The following GIGYF2 variants were observed in gnomAD, a reference collection of about 807,000 sequenced individuals.
GIGYF2 encodes the protein GRB10 interacting GYF protein 2.
Under a neutral mutation model 208.1 loss-of-function variants are expected in GIGYF2, and 25 were observed. The observed-to-expected ratio is 0.12, with a 90% CI of 0.09 to 0.17. GIGYF2 has a LOEUF of 0.17. GIGYF2 is among the 10% of genes least tolerant of loss of function. The pLI, the probability that GIGYF2 is intolerant of heterozygous loss-of-function variation, is 1.00. For missense variants in GIGYF2, 1,302 were observed against 1,579.4 expected (o/e 0.82, Z 2.98); for synonymous variants, 534 against 543.8 (o/e 0.98, Z 0.25).
intron 12 of GIGYF2, among the ~76,000 whole-genome samples, chr2:232,794,233 C>T (rs371414454): frequency 6.6e-6 from 1 of 152,166 alleles, no homozygotes; most frequent in Non-Finnish European, 1.5e-5. Flanking sequence ...TTGAGAAGAA[C>T]ATCCTGCACT....
intron 2 of GIGYF2, among the ~76,000 whole-genome samples, chr2:232,717,639 G>A (rs1696749388): frequency 6.6e-6 from 1 of 152,172 alleles, no homozygotes; most frequent in Non-Finnish European, 1.5e-5. Flanking sequence ...TGGTTCTGTA[G>A]GCGGTACAAG....
chr2:232,733,353 A>AC (rs1697590028), intron 2 of GIGYF2, among the ~76,000 whole-genome samples: 1 of 151,914 alleles, frequency 6.6e-6, no homozygotes, highest in African/African-American at 2.4e-5. Flanking sequence ...GCAGGGAGTC[A>AC]GGGTCAAGTA....
rs143726189 is a variant in GIGYF2 at position 232,771,336 on chromosome 2, A to C, written c.532+9900A>C. The stretch of plus-strand genomic sequence containing the variant: ...GGTATCTTTGACTTAGGAGAGGAGC[A>C]ATAACTTTGCAATTACTGCTGTCCA... On this transcript the variant is annotated intron_variant, in intron 8 of 28. Coordinates refer to ENST00000373563, the MANE Select transcript of GIGYF2 (RefSeq NM_001103146.3). 7.4e-6 allele frequency: 12 copies of C among 1,612,844 alleles called. No individual in the cohort carries two copies. In the African/African-American group the frequency reaches 9.3e-5, roughly 13 times the overall value.
chr2:232,712,794 A>G (rs1364532472), intron 2 of GIGYF2, among the ~76,000 whole-genome samples: 1 of 152,198 alleles, frequency 6.6e-6, no homozygotes, highest in Non-Finnish European at 1.5e-5. Context: ...ACATTTATGT[A>G]TGTTACATTG....
intron 3 of GIGYF2, among the ~76,000 whole-genome samples, chr2:232,741,565 C>T (rs1697969824): frequency 6.6e-6 from 1 of 152,022 alleles, no homozygotes; most frequent in Admixed American, 6.6e-5. Flanking sequence ...GCTTCAGGCT[C>T]CCAAGTAGCT....
chr2:232,769,472 C>T (rs1357650162), intron 8 of GIGYF2, among the ~76,000 whole-genome samples: 2 of 144,342 alleles, frequency 1.4e-5, no homozygotes, highest in African/African-American at 5.2e-5. Flanking sequence ...TAGCACTGCA[C>T]TCCAGCCTGG....
chr2:232,761,978 A>C (rs1447793374), intron 8 of GIGYF2, among the ~76,000 whole-genome samples: 2 of 151,684 alleles, frequency 1.3e-5, no homozygotes, highest in African/African-American at 4.8e-5. Flanking sequence ...ATTAATCATA[A>C]TTTGTATTTA....
intron 7 of GIGYF2, 172 bp downstream of exon 7, chr2:232,760,763 A>C: frequency 1.7e-6 from 1 of 580,228 alleles, no homozygotes; most frequent in African/African-American, 1.9e-5. Flanking sequence ...TTCTTATTTA[A>C]AGGAAGACGG....
intron 20 of GIGYF2, among the ~76,000 whole-genome samples, chr2:232,818,372 C>G (rs1700976839): frequency 6.6e-6 from 1 of 152,188 alleles, no homozygotes; most frequent in South Asian, 2.1e-4. Flanking sequence ...TTTTATTTTT[C>G]CCCTAGAAAG....
intron 12 of GIGYF2, among the ~76,000 whole-genome samples, chr2:232,792,864 C>T (rs1700111966): frequency 6.6e-6 from 1 of 152,100 alleles, no homozygotes; most frequent in Non-Finnish European, 1.5e-5. Flanking sequence ...TATATATATT[C>T]TGAGAAGGCT....
At chr2:232,824,644 T>C (rs1701194627) in intron 21 of GIGYF2, among the ~76,000 whole-genome samples, 1 of 152,196 alleles carries the variant, frequency 6.6e-6, no homozygotes, top group Admixed American at 6.5e-5. Flanking sequence ...AAGCACAAGG[T>C]GAAGCAGCTA....
intron 2 of GIGYF2, among the ~76,000 whole-genome samples, chr2:232,723,274 C>CA (rs1394753213): frequency 1.3e-5 from 2 of 152,178 alleles, no homozygotes; most frequent in Admixed American, 1.3e-4. Flanking sequence ...CCTGCCTTCT[C>CA]AGAGATTTCA....
At chr2:232,836,279 TA>T (rs1701595393) in intron 22 of GIGYF2, among the ~76,000 whole-genome samples, 3 of 6,250 alleles carry the variant, frequency 4.8e-4, no homozygotes, top group African/African-American at 1.6e-3. Flanking sequence ...TATATATATA[TA>T]TATATATATA....
At chr2:232,820,770 C>T (rs1363612213) in intron 21 of GIGYF2, among the ~76,000 whole-genome samples, 4 of 152,018 alleles carry the variant, frequency 2.6e-5, no homozygotes, top group South Asian at 2.1e-4. Flanking sequence ...TGTTAAGGAG[C>T]GTAAATGTAT....
At chr2:232,768,880 A>G (rs1456944492) in intron 8 of GIGYF2, 2 of 1,337,248 alleles carry the variant, frequency 1.5e-6, no homozygotes, top group East Asian at 5.0e-5. Context: ...TTTCTGAATG[A>G]CAAGTGTATA....
chr2:232,749,959 C>T (rs997957230), intron 5 of GIGYF2, among the ~76,000 whole-genome samples: 1 of 151,910 alleles, frequency 6.6e-6, no homozygotes, highest in Non-Finnish European at 1.5e-5. Context: ...CCGAGGTGGG[C>T]GGATCACCTG....
intron 12 of GIGYF2, among the ~76,000 whole-genome samples, 173 bp from the exon 13 acceptor site, chr2:232,794,575 T>C (rs556591772): frequency 6.6e-6 from 1 of 152,294 alleles, no homozygotes; most frequent in East Asian, 1.9e-4. Flanking sequence ...TAGGTAATTT[T>C]GTCACTCTAG....
At chr2:232,791,502 C>A (rs1032175959) in intron 12 of GIGYF2, 56 bp downstream of exon 12, 2 of 1,461,740 alleles carry the variant, frequency 1.4e-6, no homozygotes, top group African/African-American at 1.4e-5. Context: ...GGCCAGTGAT[C>A]ACTGATAAGT....
At chr2:232,835,085 C>G (rs535583001) in intron 22 of GIGYF2, among the ~76,000 whole-genome samples, 1 of 152,134 alleles carries the variant, frequency 6.6e-6, no homozygotes, top group African/African-American at 2.4e-5. Context: ...TGAGAACATG[C>G]AGTATTTGAC....
Sources: allele counts gnomAD v4.1 joint callset (sites outside exome capture counted in the v4.1 genomes callset), GRCh38; gene constraint gnomAD v4.1.1; transcripts MANE v1.5; gene names NCBI Gene and HGNC (gene_info 2026-07-23, HGNC 2026-07-21).